The following UEVLD variants were observed in gnomAD, a reference collection of about 807,000 sequenced individuals.
UEVLD encodes UEV and lactate/malate dehyrogenase domains.
A neutral mutation model predicts 58.6 loss-of-function variants in UEVLD; 47 were observed. The observed-to-expected ratio is 0.80, with a 90% CI of 0.63 to 1.02. The LOEUF (loss-of-function observed/expected upper bound fraction) is 1.02, where lower values mean the gene tolerates loss of function less well. Among genes scored for constraint, UEVLD ranks in the 50% least tolerant of loss-of-function variants. The pLI is 0.00. For missense variants in UEVLD, 510 were observed against 550.6 expected (o/e 0.93, Z 0.74); for synonymous variants, 197 against 195.3 (o/e 1.01, Z -0.07).
chr11:18,532,546 A>G, intron 11 of UEVLD, 59 bp from the exon 12 acceptor site: 1 of 1,353,618 alleles, frequency 7.4e-7, no homozygotes, highest in South Asian at 1.6e-5. Context: ...AGTTAATACA[A>G]AAATGCATAC....
chr11:18,586,832 C>T lies in UEVLD; in HGVS notation c.42+1781G>A, dbSNP rs150513000. Among the ~76,000 whole-genome samples, 31 of 152,244 alleles carry T rather than the reference C, an allele frequency of 2.0e-4. No homozygotes were observed. In the East Asian group the frequency reaches 5.4e-3, roughly 27 times the overall value. On this transcript the variant is annotated intron_variant, in intron 1 of 11. Coordinates refer to ENST00000396197, the MANE Select transcript of UEVLD (RefSeq NM_001040697.4). ...AATACTTATTAATAATAAGCTACCC[C>T]AGCCTGGCCAATATGACGAAACCTC...
In UEVLD at chr11:18,532,139, C is replaced by T. The variant is rs760837802; in HGVS notation, c.*181G>A. Reference sequence around the variant, plus strand: ...AACCCCAAATAAAATTAATTTTTCCCCTCCTTGTATAACTCCTTAAGGATT... The same window carrying T: ...AACCCCAAATAAAATTAATTTTTCCTCTCCTTGTATAACTCCTTAAGGATT... On this transcript the variant is annotated 3_prime_UTR_variant, in exon 12 of 12. Coordinates refer to ENST00000396197, the MANE Select transcript of UEVLD (RefSeq NM_001040697.4). 2.2e-6 allele frequency: 1 copy of T among 464,672 alleles called. No homozygotes were observed. Among genetic ancestry groups the T allele is most frequent in the Non-Finnish European group, 3.6e-6 (1 of 278,664 alleles). The allele number at this position is 464,672 out of a possible 1,614,324, so 28.8% of individuals were successfully genotyped here. A position where few individuals can be genotyped will look rare whatever the true frequency, so the allele number is the denominator to read the frequency against.
chr11:18,575,433 C>T, intron 2 of UEVLD, 21 bp from the exon 3 acceptor site: 1 of 1,527,628 alleles, frequency 6.5e-7, no homozygotes, highest in Non-Finnish European at 8.9e-7. Flanking sequence ...AAAAAAAAAG[C>T]CCCAAAATGT....
Position 18,544,680 on chromosome 11 carries a change from T to C in UEVLD, c.1003A>G (p.Lys335Glu). The C allele has an allele frequency of 6.3e-7, 1 of 1,591,438 alleles. No homozygotes were observed. The change falls in exon 9 of 12, where the codon AAG (lysine) becomes GAG (glutamate). Residue 335 changes from lysine to glutamate, a missense_variant. By Grantham distance (56) the Lys-to-Glu change is moderately conservative (BLOSUM62 1). Coordinates refer to ENST00000396197, the MANE Select transcript of UEVLD (RefSeq NM_001040697.4). ...ACTTCTTTGCCTGAAGTCTGTGCCT[T>C]CAAAACATTTGTAATAATATACTGT... ...RLQYIITNVL[K>E]AQTSGKEVWV...
chr11:18,569,146 G>C (rs548280672), intron 4 of UEVLD, among the ~76,000 whole-genome samples: 2 of 152,048 alleles, frequency 1.3e-5, no homozygotes, highest in African/African-American at 4.8e-5. Flanking sequence ...CACCCGCCTC[G>C]GCCTACCAAA....
intron 4 of UEVLD, among the ~76,000 whole-genome samples, chr11:18,568,876 C>G (rs1309193282): frequency 2.0e-5 from 3 of 152,072 alleles, no homozygotes; most frequent in African/African-American, 7.2e-5. Context: ...TCCAGCCCTA[C>G]TAGCTTTCTG....
chr11:18,586,151 A>T (rs934625804), intron 1 of UEVLD, among the ~76,000 whole-genome samples: 2 of 152,208 alleles, frequency 1.3e-5, no homozygotes, highest in Non-Finnish European at 2.9e-5. Context: ...TAATGTACTG[A>T]TCACTTCTCC....
rs749784898 is a variant in UEVLD at position 18,565,022 on chromosome 11, G to A, written c.494-12C>T. The A allele has an allele frequency of 1.3e-6, 2 of 1,572,622 alleles. No homozygotes were observed. The highest frequency in any genetic ancestry group is 1.7e-6 in the Non-Finnish European group (2 of 1,146,746). On this transcript the variant is annotated splice_polypyrimidine_tract_variant and intron_variant, in intron 5 of 11. Coordinates refer to ENST00000396197, the MANE Select transcript of UEVLD (RefSeq NM_001040697.4). ...TGTATCTGAAACACCTAGAAAGAAA[G>A]GTGAATTATCCTGAGAATTCAAAAA...
At chr11:18,570,533 C>G in intron 3 of UEVLD, 156 bp from the exon 4 acceptor site, 1 of 601,110 alleles carries the variant, frequency 1.7e-6, no homozygotes, top group Non-Finnish European at 2.5e-6. Context: ...ATTGCATGAG[C>G]CCAGGAGTTT....
chr11:18,554,094 T>C (rs1371414360), intron 7 of UEVLD, among the ~76,000 whole-genome samples: 1 of 152,202 alleles, frequency 6.6e-6, no homozygotes, highest in Non-Finnish European at 1.5e-5. Flanking sequence ...CTCTTAATAG[T>C]TTCTTTTTTT....
Position 18,537,325 on chromosome 11 carries a change from T to TATATATA in UEVLD, c.1061-857_1061-856insTATATAT, listed in dbSNP as rs34120372. 7.3e-4 allele frequency among the ~76,000 whole-genome samples: 93 copies of TATATATA among 126,804 alleles called. 1 individual carries two copies. The highest frequency in any genetic ancestry group is 4.8e-3 in the South Asian group (19 of 3,976). 83.2% of individuals were successfully genotyped at this position (126,804 alleles called of 152,430 possible). On this transcript the variant is annotated intron_variant, in intron 9 of 11. Coordinates refer to ENST00000396197, the MANE Select transcript of UEVLD (RefSeq NM_001040697.4). Reference sequence around the variant, plus strand: ...GGAAATTTCTTTATATATATATATATTTTTTTTTTTTTTTCTTTTTCTTTT... The same window carrying TATATATA: ...GGAAATTTCTTTATATATATATATATATATATATTTTTTTTTTTTTTCTTTTTCTTTT...
chr11:18,534,672 T>TA (rs1434128299), intron 10 of UEVLD, among the ~76,000 whole-genome samples: 1 of 152,156 alleles, frequency 6.6e-6, no homozygotes, highest in Non-Finnish European at 1.5e-5. Flanking sequence ...CCTAATAACA[T>TA]AAAAAATGTT....
intron 2 of UEVLD, among the ~76,000 whole-genome samples, chr11:18,577,043 C>T (rs911915293): frequency 2.6e-5 from 4 of 152,006 alleles, no homozygotes; most frequent in Admixed American, 1.3e-4. Context: ...ATTAGCAGGG[C>T]GTGGTGGCAT....
chr11:18,563,023 G>C (rs745765704), intron 6 of UEVLD, among the ~76,000 whole-genome samples: 41 of 151,256 alleles, frequency 2.7e-4, no homozygotes, highest in Non-Finnish European at 4.7e-4. Flanking sequence ...GCCAACTTGG[G>C]CTACAGAGAG....
chr11:18,578,572 T>C, intron 2 of UEVLD, 152 bp downstream of exon 2: 1 of 634,988 alleles, frequency 1.6e-6, no homozygotes, highest in Non-Finnish European at 2.8e-6. Flanking sequence ...ATTGTATTAA[T>C]TTAAGCTTTC....
chr11:18,565,987 C>T (rs11024714), intron 5 of UEVLD, among the ~76,000 whole-genome samples: 16,344 of 149,762 alleles, frequency 0.11, 1,156 homozygotes, highest in South Asian at 0.23. Context: ...CAACCTCTGC[C>T]TCCCGGATTC....
intron 7 of UEVLD, among the ~76,000 whole-genome samples, chr11:18,557,163 GTTT>G (rs1851788355): frequency 6.7e-6 from 1 of 149,200 alleles, no homozygotes; most frequent in East Asian, 2.0e-4. Flanking sequence ...TTTTGTTTTT[GTTT>G]TTTTGAGACA....
intron 7 of UEVLD, among the ~76,000 whole-genome samples, chr11:18,553,034 A>G (rs1851600429): frequency 6.6e-6 from 1 of 151,760 alleles, no homozygotes; most frequent in Non-Finnish European, 1.5e-5. Context: ...ATGCGCCTAT[A>G]GTCCCAGCTA....
chr11:18,575,363 A>T lies in UEVLD; in HGVS notation c.177T>A (p.Ile59=), dbSNP rs138474271. The T allele has an allele frequency of 1.9e-6, 3 of 1,609,120 alleles. No individual in the cohort carries two copies. The highest frequency in any genetic ancestry group is 2.5e-6 in the Non-Finnish European group (3 of 1,178,886). Residue 59 remains isoleucine, a synonymous_variant, in exon 3 of 12, where the codon ATT becomes ATA. Coordinates refer to ENST00000396197, the MANE Select transcript of UEVLD (RefSeq NM_001040697.4). ...CACACTTACCCTGATACATCACAGG[A>T]ATTGTGCCAGTAAAATTCAGCAGGT... ...QKDLLNFTGT[I]PVMYQGNTYN...
Sources: gnomAD v4.1 joint callset for allele counts (sites outside exome capture counted in the v4.1 genomes callset) on GRCh38, gnomAD v4.1.1 for gene constraint, MANE v1.5 for transcripts, NCBI Gene and HGNC (gene_info 2026-07-23, HGNC 2026-07-21) for gene names.